Variants in MAST4 observed in about 807,000 individuals in gnomAD.
The protein encoded by MAST4 is microtubule-associated serine/threonine-protein kinase 4.
Under a neutral mutation model 162.7 loss-of-function variants are expected in MAST4, and 89 were observed. The ratio of observed to expected loss-of-function variants is 0.55; its 90% CI spans 0.46 to 0.65. The LOEUF (loss-of-function observed/expected upper bound fraction) is 0.65. Among genes scored for constraint, MAST4 ranks in the 30% least tolerant of loss-of-function variants. The probability of loss-of-function intolerance (pLI) is 0.00; values close to 1 mark genes in which losing one functional copy is unlikely to be tolerated. For missense variants in MAST4, 3,153 were observed against 3,374.0 expected (o/e 0.93, Z 1.62); for synonymous variants, 1,479 against 1,361.1 (o/e 1.09, Z -1.91).
At chr5:67,080,263 T>A (rs1453881673) in intron 5 of MAST4, among the ~76,000 whole-genome samples, 1 of 152,220 alleles carries the variant, frequency 6.6e-6, no homozygotes, top group Non-Finnish European at 1.5e-5. Flanking sequence ...GATTTAAAAA[T>A]TTTAAATATG....
intron 4 of MAST4, among the ~76,000 whole-genome samples, chr5:67,049,008 C>CACACATATATATACATAT (rs1362965159): frequency 2.9e-5 from 3 of 104,524 alleles, no homozygotes; most frequent in African/African-American, 1.2e-4. Context: ...TATACACACA[C>CACACATATATATACATAT]ATATATATAT....
At chr5:66,827,620 C>T (rs1420039473) in intron 3 of MAST4, among the ~76,000 whole-genome samples, 2 of 152,202 alleles carry the variant, frequency 1.3e-5, no homozygotes, top group East Asian at 3.9e-4. Context: ...ACTTCCTTCC[C>T]CTCTCCCACA....
At chr5:66,796,942 T>G (rs899067325) in intron 3 of MAST4, among the ~76,000 whole-genome samples, 3 of 152,200 alleles carry the variant, frequency 2.0e-5, no homozygotes, top group African/African-American at 7.2e-5. Context: ...TAATTCTGTT[T>G]CTGTCATTTT....
chr5:66,616,735 C>G (rs899804544), intron 1 of MAST4, among the ~76,000 whole-genome samples: 2 of 152,224 alleles, frequency 1.3e-5, no homozygotes, highest in Admixed American at 6.5e-5. Context: ...GAACACTGCA[C>G]AGTCTATCTT....
intron 4 of MAST4, among the ~76,000 whole-genome samples, chr5:66,919,949 C>T (rs780423895): frequency 0.01 from 811 of 78,292 alleles, 16 homozygotes; most frequent in African/African-American, 0.029. Context: ...TCCTTCCTTC[C>T]TTCCTTCCTT....
chr5:66,968,076 T>C (rs1459875043), intron 4 of MAST4, among the ~76,000 whole-genome samples: 1 of 152,206 alleles, frequency 6.6e-6, no homozygotes, highest in Admixed American at 6.5e-5. Flanking sequence ...TCAGTGGCTT[T>C]CTTGGCACCG....
intron 1 of MAST4, among the ~76,000 whole-genome samples, chr5:66,748,847 C>G (rs1293094922): frequency 2.6e-5 from 4 of 151,508 alleles, no homozygotes; most frequent in African/African-American, 7.3e-5. Context: ...TATAATCCAA[C>G]ATGACTGTCA....
chr5:67,074,925 A>T (rs1470068839), intron 5 of MAST4, among the ~76,000 whole-genome samples: 1 of 152,214 alleles, frequency 6.6e-6, no homozygotes, highest in Non-Finnish European at 1.5e-5. Flanking sequence ...AGAAAAATTC[A>T]TGTGCATATT....
At chr5:66,968,888 A>G (rs1051118031) in intron 4 of MAST4, among the ~76,000 whole-genome samples, 2 of 152,212 alleles carry the variant, frequency 1.3e-5, no homozygotes, top group Admixed American at 6.5e-5. Context: ...GGTGAGGGAC[A>G]GAGAAAATGA....
At chr5:67,011,952 T>C (rs988694809) in intron 4 of MAST4, among the ~76,000 whole-genome samples, 3 of 152,078 alleles carry the variant, frequency 2.0e-5, no homozygotes, top group African/African-American at 7.2e-5. Flanking sequence ...AACATAAGAA[T>C]TATGGAGCAT....
intron 1 of MAST4, among the ~76,000 whole-genome samples, chr5:66,687,362 T>C (rs1048314567): frequency 1.3e-5 from 2 of 152,092 alleles, no homozygotes; most frequent in Admixed American, 6.6e-5. Flanking sequence ...TTACTTCACT[T>C]AGGATAAAGG....
intron 3 of MAST4, among the ~76,000 whole-genome samples, chr5:66,827,305 CTG>C (rs1184070569): frequency 6.6e-6 from 1 of 152,212 alleles, no homozygotes; most frequent in Non-Finnish European, 1.5e-5. Context: ...TAAAAACTCT[CTG>C]GGGTTTTCTT....
intron 4 of MAST4, among the ~76,000 whole-genome samples, chr5:67,025,103 A>C (rs1014557502): frequency 4.6e-5 from 7 of 152,146 alleles, no homozygotes; most frequent in Non-Finnish European, 1.0e-4. Flanking sequence ...TAAAGATTCC[A>C]TTGGCAGTAT....
intron 2 of MAST4, among the ~76,000 whole-genome samples, chr5:66,773,172 G>C (rs146143482): frequency 6.6e-6 from 1 of 152,282 alleles, no homozygotes; most frequent in African/African-American, 2.4e-5. Flanking sequence ...ACAGGAAAAA[G>C]AGTAGGTCAA....
At chr5:66,830,819 G>T (rs532429327) in intron 3 of MAST4, among the ~76,000 whole-genome samples, 123 of 152,264 alleles carry the variant, frequency 8.1e-4, no homozygotes, top group African/African-American at 2.9e-3. Flanking sequence ...TAAGAGTAAC[G>T]CCACCTAGTG....
In MAST4 at chr5:66,949,905, G is replaced by T. The variant is rs1309083599; in HGVS notation, c.674+49923G>T. Among the ~76,000 whole-genome samples, 3 of 152,122 alleles carry T rather than the reference G, an allele frequency of 2.0e-5. No homozygotes were observed. In the East Asian group the frequency reaches 5.8e-4, roughly 29 times the overall value. ...AGTATAAATAACTTTTTAAAAGAGG[G>T]AGTATATTTGAGAAGTGTCTGAAAG... is the stretch of plus-strand genomic sequence containing the variant. On this transcript the variant is annotated intron_variant, in intron 4 of 28. Coordinates refer to ENST00000403625, the MANE Select transcript of MAST4 (RefSeq NM_001164664.2).
intron 3 of MAST4, among the ~76,000 whole-genome samples, chr5:66,814,181 G>A (rs903529464): frequency 6.6e-6 from 1 of 152,152 alleles, no homozygotes; most frequent in Non-Finnish European, 1.5e-5. Flanking sequence ...ATGTTACCTG[G>A]CCTAGTAACA....
chr5:67,143,197 G>T (rs1442526209), intron 21 of MAST4, among the ~76,000 whole-genome samples: 1 of 150,830 alleles, frequency 6.6e-6, no homozygotes, highest in African/African-American at 2.4e-5. Flanking sequence ...GAGGCAAGAA[G>T]ATAGCGTAAG....
rs116555357 is a variant in MAST4, at chr5:66,736,742, A to G, written c.364-22967A>G. Among the ~76,000 whole-genome samples the G allele has an allele frequency of 8.7e-3, 1,322 of 152,294 alleles. 12 individuals are homozygous for G. The highest frequency in any genetic ancestry group is 0.037 in the Middle Eastern group (11 of 294). ...CAAGAGTTTGAGTCATGAAGTGTGA[A>G]GCCTAGAGATGGTGTGATACACAGA... On this transcript the variant is annotated intron_variant, in intron 1 of 28. Transcript: ENST00000403625.
Sources: gnomAD v4.1 joint callset for allele counts (sites outside exome capture counted in the v4.1 genomes callset) on GRCh38, gnomAD v4.1.1 for gene constraint, MANE v1.5 for transcripts, NCBI Gene and HGNC (gene_info 2026-07-23, HGNC 2026-07-21) for gene names.